The following MICU1 variants were observed in gnomAD, a reference collection of about 807,000 sequenced individuals.
The protein encoded by MICU1 is mitochondrial calcium uptake 1, also known as calcium uptake protein 1, mitochondrial.
In MICU1, 45 loss-of-function variants were observed where a neutral mutation model predicts 56.8. That is an observed-to-expected ratio of 0.79 (90% CI 0.62 to 1.02). MICU1 has a LOEUF of 1.02. Ranked by LOEUF, MICU1 falls within the 50% of genes least tolerant of loss-of-function variation. The pLI is 0.00. For synonymous variants in MICU1, 186 were observed against 195.1 expected, an observed-to-expected ratio of 0.95 and a Z score of 0.39; for missense variants, 504 against 587.1, an observed-to-expected ratio of 0.86 and a Z score of 1.46.
At chr10:72,457,215 C>CTT (rs372652226) in intron 8 of MICU1, among the ~76,000 whole-genome samples, 6 of 131,800 alleles carry the variant, frequency 4.6e-5, no homozygotes, top group Admixed American at 1.5e-4. Flanking sequence ...TTACTTCCTA[C>CTT]TTTTTTTTTT....
intron 10 of MICU1, among the ~76,000 whole-genome samples, chr10:72,380,024 T>A (rs528977330): frequency 6.6e-6 from 1 of 152,190 alleles, no homozygotes; most frequent in African/African-American, 2.4e-5. Flanking sequence ...ACAAGCCAAG[T>A]GCTTGACAGC....
At chr10:72,514,594 G>A (rs980999226) in intron 5 of MICU1, among the ~76,000 whole-genome samples, 2 of 152,124 alleles carry the variant, frequency 1.3e-5, no homozygotes, top group Admixed American at 1.3e-4. Flanking sequence ...ACCTTAGTGA[G>A]CAACTAGTGA....
intron 4 of MICU1, among the ~76,000 whole-genome samples, chr10:72,541,172 G>A (rs1310699653): frequency 6.6e-6 from 1 of 152,218 alleles, no homozygotes. Context: ...CCGGGAATTG[G>A]AGGAATTTAG....
intron 1 of MICU1, among the ~76,000 whole-genome samples, chr10:72,572,694 G>A (rs532837793): frequency 6.6e-6 from 1 of 152,052 alleles, no homozygotes; most frequent in Admixed American, 6.6e-5. Context: ...AAGAAAAATG[G>A]CTCCGAAAAC....
At chr10:72,426,491 A>G (rs4427488) in intron 8 of MICU1, among the ~76,000 whole-genome samples, 87,115 of 150,664 alleles carry the variant, frequency 0.58, 26,266 homozygotes, top group Non-Finnish European at 0.67. Flanking sequence ...ACGACCTCCT[A>G]GGCTCAAGTG....
chr10:72,465,302 GTTTTTTGTTTT>G (rs927964563), intron 8 of MICU1, among the ~76,000 whole-genome samples: 4 of 102,504 alleles, frequency 3.9e-5, no homozygotes, highest in African/African-American at 1.2e-4. Flanking sequence ...CCAGCCCATA[GTTTTTTGTTTT>G]TTTTTTTTTT....
At chr10:72,525,899 C>T (rs575628000) in intron 5 of MICU1, among the ~76,000 whole-genome samples, 34 of 152,276 alleles carry the variant, frequency 2.2e-4, no homozygotes, top group African/African-American at 8.2e-4. Flanking sequence ...CCAAAGTCCA[C>T]ACTCTTCATC....
chr10:72,614,461 T>C (rs1052873196), intron 1 of MICU1, among the ~76,000 whole-genome samples: 1 of 152,202 alleles, frequency 6.6e-6, no homozygotes, highest in Non-Finnish European at 1.5e-5. Context: ...AGCCAAATGG[T>C]GGAAGCAACC....
intron 9 of MICU1, among the ~76,000 whole-genome samples, chr10:72,419,895 T>C (rs1864097995): frequency 6.6e-6 from 1 of 152,180 alleles, no homozygotes; most frequent in African/African-American, 2.4e-5. Flanking sequence ...GCTCCCATAA[T>C]GCACATGTGT....
At chr10:72,561,074 G>A (rs982721924) in intron 3 of MICU1, among the ~76,000 whole-genome samples, 17 of 152,268 alleles carry the variant, frequency 1.1e-4, no homozygotes, top group African/African-American at 3.9e-4. Flanking sequence ...AATTATCCTT[G>A]AACAGGGAAA....
At chr10:72,412,877 G>A (rs1863868555) in intron 9 of MICU1, among the ~76,000 whole-genome samples, 1 of 144,136 alleles carries the variant, frequency 6.9e-6, no homozygotes, top group African/African-American at 2.6e-5. Flanking sequence ...AAAAAGCAGT[G>A]GATAAAACTT....
At chr10:72,572,815 T>C (rs1021380087) in intron 1 of MICU1, among the ~76,000 whole-genome samples, 13 of 152,152 alleles carry the variant, frequency 8.5e-5, no homozygotes, top group African/African-American at 3.1e-4. Context: ...AAAACACATT[T>C]GTTGACAATG....
chr10:72,428,471 C>T (rs960389610), intron 8 of MICU1, among the ~76,000 whole-genome samples: 4 of 152,146 alleles, frequency 2.6e-5, no homozygotes, highest in Admixed American at 2.6e-4. Context: ...CACCACCATG[C>T]CTGGTTAATT....
intron 3 of MICU1, among the ~76,000 whole-genome samples, chr10:72,557,182 A>AT (rs1840179662): frequency 6.6e-6 from 1 of 152,204 alleles, no homozygotes; most frequent in African/African-American, 2.4e-5. Context: ...AAAATACACT[A>AT]TCTCCAATAA....
chr10:72,549,944 A>G (rs1041449403), intron 4 of MICU1, among the ~76,000 whole-genome samples: 13 of 151,758 alleles, frequency 8.6e-5, no homozygotes, highest in East Asian at 3.9e-4. Context: ...AAAAAAAAAA[A>G]AGAGAATTAG....
intron 4 of MICU1, among the ~76,000 whole-genome samples, chr10:72,546,651 T>A (rs1465385794): frequency 6.6e-6 from 1 of 152,242 alleles, no homozygotes; most frequent in Non-Finnish European, 1.5e-5. Context: ...TTTATCTACA[T>A]GCAAGCTTTC....
intron 5 of MICU1, among the ~76,000 whole-genome samples, chr10:72,508,868 C>T (rs1400801150): frequency 6.6e-6 from 1 of 152,150 alleles, no homozygotes; most frequent in African/African-American, 2.4e-5. Context: ...ACACTTTCGG[C>T]AATTTAATCA....
At chr10:72,521,825 T>C (rs1461377226) in intron 5 of MICU1, among the ~76,000 whole-genome samples, 1 of 152,058 alleles carries the variant, frequency 6.6e-6, no homozygotes, top group Non-Finnish European at 1.5e-5. Context: ...ATCCACTAAG[T>C]TAACTTGAAG....
intron 8 of MICU1, among the ~76,000 whole-genome samples, chr10:72,458,462 T>C (rs1195201861): frequency 6.6e-6 from 1 of 152,184 alleles, no homozygotes; most frequent in African/African-American, 2.4e-5. Context: ...TTAATATATA[T>C]ACCGCATTTA....
Sources: allele counts gnomAD v4.1 joint callset (sites outside exome capture counted in the v4.1 genomes callset), GRCh38; gene constraint gnomAD v4.1.1; transcripts MANE v1.5; gene names NCBI Gene and HGNC (gene_info 2026-07-23, HGNC 2026-07-21).